Variants in C19orf25 observed in about 807,000 individuals in gnomAD.
The protein encoded by C19orf25 is chromosome 19 open reading frame 25, also known as UPF0449 protein C19orf25.
C19orf25 carries 1 observed loss-of-function variant against 3.1 expected under a neutral mutation model. That is an observed-to-expected ratio of 0.32 (90% CI 0.12 to 1.54). The LOEUF is 1.54. Ranked by LOEUF, C19orf25 falls within the 40% of genes most tolerant of loss-of-function variation. The pLI is 0.38. For missense variants in C19orf25, 196 were observed against 160.4 expected, an observed-to-expected ratio of 1.22 and a Z score of -1.20; for synonymous variants, 91 against 74.3, an observed-to-expected ratio of 1.23 and a Z score of -1.16.
At chr19:1,479,125 T>G in intron 1 of C19orf25, 38 bp downstream of exon 1, 1 of 1,310,948 alleles carries the variant, frequency 7.6e-7, no homozygotes, top group Non-Finnish European at 9.7e-7. Flanking sequence ...TCTGCCTCAG[T>G]TTCCCCGCGG....
chr19:1,474,583 C>T lies in C19orf25; in HGVS notation c.*449G>A. ...AAGTGGGGTCAGGGGCTCAGGCTGG[C>T]CCTCGGGCTGCTCTGACATTGGGTG... On this transcript the variant is annotated 3_prime_UTR_variant, in exon 3 of 3. Transcript: ENST00000585675. 1 of 429,310 alleles carries T rather than the reference C, an allele frequency of 2.3e-6. No individual in the cohort carries two copies. Among genetic ancestry groups the T allele is most frequent in the Non-Finnish European group, 4.1e-6 (1 of 244,430 alleles). The allele number at this position is 429,310 out of a possible 1,614,324, so 26.6% of individuals were successfully genotyped here.
At chr19:1,475,795 G>A (rs763186003) in intron 2 of C19orf25, 9 of 193,576 alleles carry the variant, frequency 4.6e-5, no homozygotes, top group African/African-American at 9.2e-5. Flanking sequence ...TAGGCTACCC[G>A]CCTTAGCAAA....
intron 2 of C19orf25, chr19:1,476,635 A>C: frequency 8.3e-6 from 2 of 241,010 alleles, no homozygotes; most frequent in Non-Finnish European, 1.6e-5. Flanking sequence ...GGAAAACACA[A>C]CTCAATTTTT....
At chr19:1,476,229 T>C in intron 2 of C19orf25, 1 of 398,704 alleles carries the variant, frequency 2.5e-6, no homozygotes, top group Non-Finnish European at 4.4e-6. Flanking sequence ...GGCAGTGTGG[T>C]CTCCCACGGA....
In C19orf25 at chr19:1,473,506, G is replaced by C. The variant is rs1568190919; in HGVS notation, c.*1526C>G. 6.6e-6 allele frequency: 1 copy of C among 152,294 alleles called. No individual in the cohort carries two copies. Among genetic ancestry groups the C allele is most frequent in the African/African-American group, 2.4e-5 (1 of 41,466 alleles). The allele number at this position is 152,294 out of a possible 1,614,324, so 9.4% of individuals were successfully genotyped here. On this transcript the variant is annotated 3_prime_UTR_variant, in exon 3 of 3. Coordinates refer to ENST00000585675, the MANE Select transcript of C19orf25 (RefSeq NM_152482.3). ...GCACCCCAGACAGGGGGTCCAACCT[G>C]GGCATTGGTACCTGGGCCAGTTATT...
Position 1,478,784 on chromosome 19 carries a change from C to T in C19orf25, c.120G>A (p.Leu40=). The change falls in exon 2 of 3, where the codon CTG becomes CTA. Residue 40 remains leucine, a synonymous_variant. Transcript: ENST00000585675. ...CCGGGCTCCCCCTACCTTCCGGGGCCAGGATGGTGAACACTGGATCCTCTG... is the reference window on the plus strand; with the variant it reads ...CCGGGCTCCCCCTACCTTCCGGGGCTAGGATGGTGAACACTGGATCCTCTG... The part of the protein sequence containing the change: ...APAEDPVFTI[L]APEDPPVPFR... The T allele has an allele frequency of 6.3e-7, 1 of 1,576,920 alleles. No individual in the cohort carries two copies. The highest frequency in any genetic ancestry group is 8.6e-7 in the Non-Finnish European group (1 of 1,161,984).
At position 1,478,694 on chromosome 19, in the gene C19orf25, A is replaced by C. The variant is rs1194336905; in HGVS notation, c.130+80T>G. ...GGGGTTCCCAGGGCGTGGGGTCAGG[A>C]GTTAGGGGTGTGCTTCTCTCCCGTC... On this transcript the variant is annotated intron_variant, in intron 2 of 2. Transcript: ENST00000585675. The C allele has an allele frequency of 2.0e-6, 3 of 1,527,088 alleles. No homozygotes were observed. The Admixed American group carries it at 6.2e-5, about 31-fold the overall frequency. 94.6% of individuals were successfully genotyped at this position (1,527,088 alleles called of 1,614,324 possible).
At chr19:1,479,058 C>G in intron 1 of C19orf25, 105 bp downstream of exon 1, 1 of 1,375,872 alleles carries the variant, frequency 7.3e-7, no homozygotes. Flanking sequence ...GCCCCAGGCC[C>G]TGACCCTCCC....
intron 2 of C19orf25, among the ~76,000 whole-genome samples, chr19:1,477,044 G>A (rs1014317549): frequency 1.3e-5 from 2 of 150,662 alleles, no homozygotes; most frequent in African/African-American, 4.9e-5. Context: ...CTGTCACCCA[G>A]GCTGGAGTAC....
chr19:1,475,824 C>T (rs984963684), intron 2 of C19orf25: 7 of 213,584 alleles, frequency 3.3e-5, no homozygotes, highest in African/African-American at 6.8e-5. Context: ...CCAGGGGGAT[C>T]GGGTCACAGA....
intron 2 of C19orf25, among the ~76,000 whole-genome samples, chr19:1,477,932 CA>C (rs2084222446): frequency 6.6e-6 from 1 of 152,152 alleles, no homozygotes; most frequent in African/African-American, 2.4e-5. Context: ...CTCCGACTCC[CA>C]GGTTCAAGTG....
intron 1 of C19orf25, 108 bp from the exon 2 acceptor site, chr19:1,479,013 C>T (rs1306724832): frequency 7.1e-7 from 1 of 1,417,524 alleles, no homozygotes; most frequent in Non-Finnish European, 9.2e-7. Flanking sequence ...GTCCCGCTCC[C>T]GGGGAAGCCC....
rs61613642 is a variant in C19orf25 at position 1,476,123 on chromosome 19, C to G, written c.131-865G>C. The G allele has an allele frequency of 2.0e-3, 788 of 398,614 alleles. 7 individuals are homozygous for G. The highest frequency in any genetic ancestry group is 0.02 in the East Asian group (551 of 28,082). The allele number at this position is 398,614 out of a possible 1,614,324, so 24.7% of individuals were successfully genotyped here. A position where few individuals can be genotyped will look rare whatever the true frequency, so the allele number is the denominator to read the frequency against. ...AACTACGTATGGCTCCCTGCTCCCCCACGTATGCAAGCCCAGTGCAGCAGG... is the reference window on the plus strand; with the variant it reads ...AACTACGTATGGCTCCCTGCTCCCCGACGTATGCAAGCCCAGTGCAGCAGG... On this transcript the variant is annotated intron_variant, in intron 2 of 2. Coordinates refer to ENST00000585675, the MANE Select transcript of C19orf25 (RefSeq NM_152482.3).
At position 1,475,056 on chromosome 19, in the gene C19orf25, T is replaced by C. The variant is rs763020060; in HGVS notation, c.333A>G (p.Ala111=). The part of the protein sequence containing the change: ...VAQMKQAALP[A]AEAASSG ...GTCAGCCTGAGGAGGCAGCCTCGGC[T>C]GCCGGTAATGCTGCCTGCTTCATCT... Residue 111 remains alanine (A), a synonymous_variant, in exon 3 of 3, where the codon GCA becomes GCG. Coordinates refer to ENST00000585675, the MANE Select transcript of C19orf25 (RefSeq NM_152482.3). 1.9e-6 allele frequency: 3 copies of C among 1,598,460 alleles called. No homozygotes were observed. The African/African-American group carries it at 4.0e-5, about 21-fold the overall frequency.
At chr19:1,478,412 GTTT>G in intron 2 of C19orf25, 8 of 450,390 alleles carry the variant, frequency 1.8e-5, no homozygotes, top group East Asian at 3.7e-5. Flanking sequence ...AGCTAACTCT[GTTT>G]TGTTTTTGTT....
Position 1,474,509 on chromosome 19 carries a change from C to T in C19orf25, c.*523G>A, listed in dbSNP as rs1162059388. Reference sequence around the variant, plus strand: ...TTGGGTGACCCCAGCGGCCCAGGGTCGTTGTGAAGATCAACGTGGCTTGTG... The same window carrying T: ...TTGGGTGACCCCAGCGGCCCAGGGTTGTTGTGAAGATCAACGTGGCTTGTG... On this transcript the variant is annotated 3_prime_UTR_variant, in exon 3 of 3. Transcript: ENST00000585675. 7.1e-6 allele frequency: 2 copies of T among 281,878 alleles called. No homozygotes were observed. The highest frequency in any genetic ancestry group is 2.2e-5 in the African/African-American group (1 of 46,232). The allele number at this position is 281,878 out of a possible 1,614,324, so 17.5% of individuals were successfully genotyped here. A position where few individuals can be genotyped will look rare whatever the true frequency, so the allele number is the denominator to read the frequency against.
chr19:1,478,733 G>A, intron 2 of C19orf25, 41 bp downstream of exon 2: 1 of 1,540,018 alleles, frequency 6.5e-7, no homozygotes, highest in Non-Finnish European at 8.8e-7. Context: ...TTGCTGCCGG[G>A]GTCTCAGGTC....
chr19:1,478,853 G>A lies in C19orf25; in HGVS notation c.51C>T (p.Pro17=). The A allele has an allele frequency of 6.3e-7, 1 of 1,594,440 alleles. No individual in the cohort carries two copies. The highest frequency in any genetic ancestry group is 8.5e-7 in the Non-Finnish European group (1 of 1,172,296). ...CCTCCAGGATCTGCTCCACCGTGGG[G>A]GGCGCTGGGCGGGTGGGCAGCAGCA... The part of the protein sequence containing the change: ...KRVLLPTRPA[P]PTVEQILEDV... The change falls in exon 2 of 3, where the codon CCC becomes CCT. Residue 17 remains proline, a synonymous_variant. Transcript: ENST00000585675.
intron 2 of C19orf25, among the ~76,000 whole-genome samples, chr19:1,477,706 GTTCT>G (rs1396441520): frequency 6.6e-6 from 1 of 152,184 alleles, no homozygotes; most frequent in South Asian, 2.1e-4. Context: ...TGTCAGAAAT[GTTCT>G]TTTTCACCCA....
Sources: gnomAD v4.1 joint callset for allele counts (sites outside exome capture counted in the v4.1 genomes callset) on GRCh38, gnomAD v4.1.1 for gene constraint, MANE v1.5 for transcripts, NCBI Gene and HGNC (gene_info 2026-07-23, HGNC 2026-07-21) for gene names.